SYTL5: variants seen among roughly 807,000 people sequenced by gnomAD.
SYTL5 encodes the protein synaptotagmin-like protein 5.
In SYTL5, 34 loss-of-function variants were observed where a neutral mutation model predicts 55.9. The observed-to-expected ratio is 0.61, with a 90% confidence interval of 0.46 to 0.81. The LOEUF is 0.81. Ranked by LOEUF, SYTL5 falls within the 30% of genes least tolerant of loss-of-function variation. SYTL5 has a pLI of 0.00. For missense variants in SYTL5, 637 were observed against 546.7 expected (o/e 1.17, Z -1.65); for synonymous variants, 221 against 188.7 (o/e 1.17, Z -1.40).
intron 2 of SYTL5, among the ~76,000 whole-genome samples, chrX:38,043,692 C>CACACAT (rs1474413125): frequency 4.3e-5 from 2 of 46,363 alleles, no homozygotes; most frequent in Non-Finnish European, 7.5e-5. Flanking sequence ...TATATATATA[C>CACACAT]ATATATATAT....
At chrX:37,909,680 AT>A in the SYTL5 span, among the ~76,000 whole-genome samples, 25 of 102,931 alleles carry the variant, frequency 2.4e-4, no homozygotes, top group Admixed American at 2.1e-4. Context: ...TTCTGTTTTT[AT>A]TTTTTTTTTT....
chrX:38,044,603 A>G (rs1468343821), intron 2 of SYTL5, among the ~76,000 whole-genome samples: 2 of 112,035 alleles, frequency 1.8e-5, no homozygotes, highest in Non-Finnish European at 3.8e-5. Flanking sequence ...AGTCAATTCT[A>G]TCATTGCATT....
At chrX:38,090,977 A>G (rs1469371082) in intron 7 of SYTL5, among the ~76,000 whole-genome samples, 1 of 112,610 alleles carries the variant, frequency 8.9e-6, no homozygotes, top group African/African-American at 3.2e-5. Context: ...AAATGAATCC[A>G]AAGAGGTCAT....
chrX:38,005,600 T>G (rs1042382999), upstream of SYTL5, among the ~76,000 whole-genome samples: 5 of 110,717 alleles, frequency 4.5e-5, no homozygotes, highest in Admixed American at 9.7e-5. Context: ...ACACACTAGA[T>G]GGGCTCACAT....
At chrX:38,057,980 A>G (rs1249796766) in intron 3 of SYTL5, among the ~76,000 whole-genome samples, 1 of 111,038 alleles carries the variant, frequency 9.0e-6, no homozygotes, top group Non-Finnish European at 1.9e-5. Context: ...TTCCTGGATT[A>G]CTAGAGGGAT....
At chrX:38,054,645 A>T (rs1362236295) in intron 3 of SYTL5, among the ~76,000 whole-genome samples, 1 of 97,710 alleles carries the variant, frequency 1.0e-5, no homozygotes, top group Admixed American at 1.1e-4. Context: ...AGAGAGAGAG[A>T]TACAGAAAGA....
chrX:37,968,730 C>G, the SYTL5 span, among the ~76,000 whole-genome samples: 1 of 111,804 alleles, frequency 8.9e-6, no homozygotes, highest in Non-Finnish European at 1.9e-5. Context: ...ATGGCATTAT[C>G]TGGCCCACTA....
the SYTL5 span, among the ~76,000 whole-genome samples, chrX:37,952,291 T>C: frequency 8.9e-6 from 1 of 111,828 alleles, no homozygotes; most frequent in African/African-American, 3.2e-5. Context: ...TGGGTTTGTC[T>C]AGCCCTGGGT....
chrX:38,024,349 C>T (rs894303172), intron 1 of SYTL5, among the ~76,000 whole-genome samples: 1 of 111,196 alleles, frequency 9.0e-6, no homozygotes, highest in Non-Finnish European at 1.9e-5. Context: ...GCCTTTGTTC[C>T]TCCTTTGCCT....
In SYTL5 at chrX:38,076,665, A is replaced by G; in HGVS notation, c.653A>G (p.His218Arg). The change falls in exon 6 of 17, where the codon CAT becomes CGT. Residue 218 changes from histidine (H) to arginine (R), a missense_variant. By Grantham distance (29) the His-to-Arg change is conservative. Transcript: ENST00000297875. ...TATAGCTTGGACTTAGACGGTCAAC[A>G]TTTTCGGAGTTTAAAATCACCTCCT... Reference protein sequence around the residue: ...RSYSLDLDGQHFRSLKSPPGS... With the variant: ...RSYSLDLDGQRFRSLKSPPGS... 5 of 1,210,897 alleles carry G rather than the reference A, an allele frequency of 4.1e-6. No individual in the cohort carries two copies. Among genetic ancestry groups the G allele is most frequent in the Non-Finnish European group, 5.6e-6 (5 of 895,082 alleles).
chrX:38,106,832 G>T, intron 11 of SYTL5, 61 bp downstream of exon 11: 1 of 979,340 alleles, frequency 1.0e-6, no homozygotes, highest in Non-Finnish European at 1.4e-6. Context: ...CTGTATGTGT[G>T]TTTCCTTTTC....
At chrX:38,100,392 C>CCTG (rs1268294612) in intron 9 of SYTL5, among the ~76,000 whole-genome samples, 1 of 111,010 alleles carries the variant, frequency 9.0e-6, no homozygotes, top group African/African-American at 3.3e-5. Flanking sequence ...TATTTGAGGA[C>CCTG]CTGCTGCACA....
chrX:38,018,115 T>A (rs1050569720), intron 1 of SYTL5, among the ~76,000 whole-genome samples: 3 of 110,526 alleles, frequency 2.7e-5, no homozygotes, highest in African/African-American at 9.9e-5. Context: ...AGGAAAGGCC[T>A]GGGCAAAACT....
At chrX:38,103,745 G>A (rs147769294) in intron 10 of SYTL5, among the ~76,000 whole-genome samples, 3 of 110,519 alleles carry the variant, frequency 2.7e-5, no homozygotes, top group African/African-American at 6.6e-5. Context: ...TGCATCTCTC[G>A]GAACAGATAC....
chrX:38,104,634 G>T (rs1363950106), intron 10 of SYTL5, among the ~76,000 whole-genome samples: 1 of 111,598 alleles, frequency 9.0e-6, no homozygotes, highest in Non-Finnish European at 1.9e-5. Context: ...GAAATTGGTG[G>T]AACATAATGG....
At chrX:38,069,960 G>T (rs73465499) in intron 3 of SYTL5, among the ~76,000 whole-genome samples, 257 of 111,856 alleles carry the variant, frequency 2.3e-3, no homozygotes, top group African/African-American at 8.0e-3. Flanking sequence ...TTCCATAAGC[G>T]TATTTTATAT....
At chrX:38,010,594 A>G (rs960428893) in intron 1 of SYTL5, among the ~76,000 whole-genome samples, 1 of 111,961 alleles carries the variant, frequency 8.9e-6, no homozygotes, top group Non-Finnish European at 1.9e-5. Flanking sequence ...ATATCATGGA[A>G]TCAAAATGTC....
At chrX:38,123,132 T>C (rs931793194) in intron 15 of SYTL5, among the ~76,000 whole-genome samples, 2 of 111,406 alleles carry the variant, frequency 1.8e-5, no homozygotes, top group Non-Finnish European at 3.8e-5. Flanking sequence ...TTATTTGTTG[T>C]TGTTGTTTGT....
chrX:38,120,748 G>A (rs1397329059), intron 14 of SYTL5, among the ~76,000 whole-genome samples: 1 of 110,182 alleles, frequency 9.1e-6, no homozygotes, highest in African/African-American at 3.3e-5. Flanking sequence ...CCCCAGGGTT[G>A]GGGGAAGGCA....
Sources: gnomAD v4.1 joint callset for allele counts (sites outside exome capture counted in the v4.1 genomes callset) on GRCh38, gnomAD v4.1.1 for gene constraint, MANE v1.5 for transcripts, NCBI Gene and HGNC (gene_info 2026-07-23, HGNC 2026-07-21) for gene names.